PPP1R12B: variants seen among roughly 807,000 people sequenced by gnomAD.
The protein encoded by PPP1R12B is protein phosphatase 1 regulatory subunit 12B.
PPP1R12B carries 76 observed loss-of-function variants against 126.1 expected under a neutral mutation model. That is an observed-to-expected ratio of 0.60 (90% CI 0.50 to 0.73). The LOEUF is 0.73. PPP1R12B is among the 30% of genes least tolerant of loss of function. The probability of loss-of-function intolerance (pLI) is 0.00; values close to 1 mark genes in which losing one functional copy is unlikely to be tolerated. For synonymous variants in PPP1R12B, 356 were observed against 434.7 expected (o/e 0.82, Z 2.25); for missense variants, 1,052 against 1,205.1 (o/e 0.87, Z 1.88).
intron 1 of PPP1R12B, among the ~76,000 whole-genome samples, chr1:202,380,797 C>A (rs1251217232): frequency 6.6e-6 from 1 of 152,072 alleles, no homozygotes; most frequent in African/African-American, 2.4e-5. Flanking sequence ...CTTTTGAATT[C>A]TTCATATTTG....
chr1:202,429,697 G>C (rs1669967676), intron 6 of PPP1R12B, among the ~76,000 whole-genome samples: 1 of 152,156 alleles, frequency 6.6e-6, no homozygotes, highest in African/African-American at 2.4e-5. Flanking sequence ...TGGGACATTA[G>C]GGGCCAAAAA....
In PPP1R12B at chr1:202,565,953, A is replaced by G. The variant is rs530804968; in HGVS notation, c.2757+1406A>G. On this transcript the variant is annotated intron_variant, in intron 21 of 23. Coordinates refer to ENST00000608999, the MANE Select transcript of PPP1R12B (RefSeq NM_002481.4). The surrounding 1 kb of genome is among the most constrained non-coding windows in gnomAD (Gnocchi z 4.3). ...GACCCTCAAAAGAAATCTGGGGCTAATTTTTATTCTGAATGGCGCCACATA... is the reference window on the plus strand; with the variant it reads ...GACCCTCAAAAGAAATCTGGGGCTAGTTTTTATTCTGAATGGCGCCACATA... Among the ~76,000 whole-genome samples the G allele has an allele frequency of 6.6e-6, 1 of 152,038 alleles. No individual in the cohort carries two copies. The highest frequency in any genetic ancestry group is 2.1e-4 in the South Asian group (1 of 4,824).
rs998724115 is a variant in PPP1R12B at position 202,395,477 on chromosome 1, A to G, written c.292-21310A>G. ...TCTCATTTTGCTATCAAATCATCCA[A>G]CATTCACTTGGGTGACTGTTCCTGA... On this transcript the variant is annotated intron_variant, in intron 1 of 23. Coordinates refer to ENST00000608999, the MANE Select transcript of PPP1R12B (RefSeq NM_002481.4). Among the ~76,000 whole-genome samples the G allele has an allele frequency of 3.9e-5, 6 of 152,252 alleles. No individual in the cohort carries two copies. In the South Asian group the frequency reaches 6.2e-4, roughly 16 times the overall value.
chr1:202,349,254 C>T, intron 1 of PPP1R12B, 112 bp downstream of exon 1: 1 of 1,278,196 alleles, frequency 7.8e-7, no homozygotes, highest in Non-Finnish European at 1.1e-6. Flanking sequence ...TCTGCATGGA[C>T]ACTGCCCTTT....
At chr1:202,380,686 A>T (rs1222960062) in intron 1 of PPP1R12B, among the ~76,000 whole-genome samples, 2 of 152,150 alleles carry the variant, frequency 1.3e-5, no homozygotes, top group Admixed American at 1.3e-4. Flanking sequence ...TACAGATTCC[A>T]GAGCTTTTCC....
At chr1:202,382,725 A>G (rs1015531661) in intron 1 of PPP1R12B, among the ~76,000 whole-genome samples, 2 of 151,882 alleles carry the variant, frequency 1.3e-5, no homozygotes, top group African/African-American at 4.8e-5. Context: ...AAAAATAAAA[A>G]AATTAGCCAG....
chr1:202,482,295 T>C (rs1165670952), intron 13 of PPP1R12B, among the ~76,000 whole-genome samples: 3 of 152,190 alleles, frequency 2.0e-5, no homozygotes, highest in Non-Finnish European at 4.4e-5. Flanking sequence ...TATTTTTACG[T>C]TTTAAAGGAA....
At chr1:202,575,215 T>G in intron 23 of PPP1R12B, 2 of 1,498,190 alleles carry the variant, frequency 1.3e-6, no homozygotes, top group Non-Finnish European at 1.8e-6. Context: ...TCCCAGAAGC[T>G]CTGTGCTCAT....
chr1:202,523,322 C>T (rs1682971781), intron 18 of PPP1R12B, among the ~76,000 whole-genome samples: 2 of 151,928 alleles, frequency 1.3e-5, no homozygotes, highest in Admixed American at 6.6e-5. Flanking sequence ...GGAAAAAAAA[C>T]TAGAAAGGAG....
chr1:202,487,452 C>A (rs1678296068), intron 13 of PPP1R12B, among the ~76,000 whole-genome samples: 1 of 152,028 alleles, frequency 6.6e-6, no homozygotes, highest in African/African-American at 2.4e-5. Flanking sequence ...CCTAGAGATT[C>A]CTAGCCAAAG....
At chr1:202,534,775 G>A (rs928078709) in intron 18 of PPP1R12B, among the ~76,000 whole-genome samples, 2 of 152,104 alleles carry the variant, frequency 1.3e-5, no homozygotes, top group Non-Finnish European at 2.9e-5. Context: ...GCTGGGAAGA[G>A]GGAAGGAGGA....
rs1681094911 is a variant in PPP1R12B, at chr1:202,508,728, A to G, written c.2490+11906A>G. ...ATTTCTCGAAATGTCTGGTATAGCT[A>G]CTACTTGCTGGCTGTTGTGAAGAGT... On this transcript the variant is annotated intron_variant, in intron 18 of 23. Transcript: ENST00000608999. The surrounding 1 kb of genome is among the most constrained non-coding windows in gnomAD (Gnocchi z 4.5). Among the ~76,000 whole-genome samples the G allele has an allele frequency of 6.6e-6, 1 of 152,194 alleles. No homozygotes were observed. The highest frequency in any genetic ancestry group is 2.1e-4 in the South Asian group (1 of 4,834).
chr1:202,542,242 C>T lies in PPP1R12B; in HGVS notation c.2491-16635C>T, dbSNP rs549352105. ...AAAACTGGTTTTGAGTGTATTTTAA[C>T]AACTGGTTTTGTGATGGTGTTGTGC... On this transcript the variant is annotated intron_variant, in intron 18 of 23. Transcript: ENST00000608999. Among the ~76,000 whole-genome samples the T allele has an allele frequency of 1.2e-4, 19 of 152,270 alleles. No individual in the cohort carries two copies. In the South Asian group the frequency reaches 3.9e-3, roughly 32 times the overall value.
At chr1:202,352,664 G>A (rs1031200535) in intron 1 of PPP1R12B, among the ~76,000 whole-genome samples, 11 of 152,068 alleles carry the variant, frequency 7.2e-5, no homozygotes, top group Non-Finnish European at 1.5e-4. Context: ...TGAGGCAGGT[G>A]GATCACGAGG....
At chr1:202,451,285 G>A (rs1672889918) in intron 13 of PPP1R12B, among the ~76,000 whole-genome samples, 1 of 149,732 alleles carries the variant, frequency 6.7e-6, no homozygotes. Context: ...GTGAACAAAG[G>A]TCTCTGGTTT....
chr1:202,457,846 A>AC (rs1673834412), intron 13 of PPP1R12B, among the ~76,000 whole-genome samples: 2 of 152,216 alleles, frequency 1.3e-5, no homozygotes, highest in African/African-American at 4.8e-5. Context: ...GAGAAATTCA[A>AC]GAAACAAACA....
chr1:202,503,129 G>GA (rs1680412073), intron 18 of PPP1R12B, among the ~76,000 whole-genome samples: 1 of 152,170 alleles, frequency 6.6e-6, no homozygotes, highest in African/African-American at 2.4e-5. Context: ...TAATCCAGGA[G>GA]AAAACTGACG....
chr1:202,388,200 T>A (rs1429030779), intron 1 of PPP1R12B, among the ~76,000 whole-genome samples: 1 of 152,100 alleles, frequency 6.6e-6, no homozygotes, highest in Non-Finnish European at 1.5e-5. Flanking sequence ...TTTTCTTTTT[T>A]TGAGCTGGAG....
chr1:202,389,806 A>C (rs1394555224), intron 1 of PPP1R12B, among the ~76,000 whole-genome samples: 1 of 150,294 alleles, frequency 6.7e-6, no homozygotes, highest in Non-Finnish European at 1.5e-5. Flanking sequence ...GCACGCTTGC[A>C]GTCCCAGCTA....
Sources: allele counts gnomAD v4.1 joint callset (sites outside exome capture counted in the v4.1 genomes callset), GRCh38; gene constraint gnomAD v4.1.1; non-coding constraint Gnocchi (gnomAD v3.1); transcripts MANE v1.5; gene names NCBI Gene and HGNC (gene_info 2026-07-23, HGNC 2026-07-21).